The following TEC variants were observed in gnomAD, a reference collection of about 807,000 sequenced individuals.
TEC encodes the protein tyrosine-protein kinase Tec.
TEC carries 72 observed loss-of-function variants against 93.0 expected under a neutral mutation model. The ratio of observed to expected loss-of-function variants is 0.77; its 90% CI spans 0.64 to 0.94. The LOEUF is 0.94. Ranked by LOEUF, TEC falls within the 40% of genes least tolerant of loss-of-function variation. The pLI is 0.00. For missense variants in TEC, 630 were observed against 757.9 expected (o/e 0.83, Z 1.98); for synonymous variants, 249 against 247.7 (o/e 1.01, Z -0.05).
chr4:48,245,279 G>T (rs1331246547), intron 1 of TEC, among the ~76,000 whole-genome samples: 1 of 140,546 alleles, frequency 7.1e-6, no homozygotes, highest in African/African-American at 2.8e-5. Context: ...GCAACACAAC[G>T]AGAGTCCTTC....
chr4:48,224,114 T>C (rs1577653289), intron 2 of TEC, among the ~76,000 whole-genome samples: 1 of 152,294 alleles, frequency 6.6e-6, no homozygotes, highest in Non-Finnish European at 1.5e-5. Context: ...TGAGCTGTCA[T>C]AGTGAATCAC....
rs1014922179 is a variant in TEC at position 48,266,865 on chromosome 4, T to A, written c.-46+2887A>T. On this transcript the variant is annotated intron_variant, in intron 1 of 17. Coordinates refer to ENST00000381501, the MANE Select transcript of TEC (RefSeq NM_003215.3). The stretch of plus-strand genomic sequence containing the variant: ...AAAAAAAAAAAAACGAAAAAAAAGT[T>A]ATGCTTGGCTTAGCTGTGAATTTTG... Among the ~76,000 whole-genome samples, 19 of 151,648 alleles carry A rather than the reference T, an allele frequency of 1.3e-4. No homozygotes were observed. The South Asian group carries it at 1.7e-3, about 13-fold the overall frequency.
At chr4:48,229,051 T>C (rs1723571196) in intron 1 of TEC, among the ~76,000 whole-genome samples, 2 of 152,222 alleles carry the variant, frequency 1.3e-5, no homozygotes, top group South Asian at 4.1e-4. Flanking sequence ...CTTCAGGATC[T>C]TGGTTCACAA....
intron 1 of TEC, among the ~76,000 whole-genome samples, chr4:48,263,573 G>A (rs561247630): frequency 6.6e-6 from 1 of 152,236 alleles, no homozygotes; most frequent in South Asian, 2.1e-4. Context: ...AATTAGCTGG[G>A]TGTGGTGGCG....
In TEC at chr4:48,170,131, A is replaced by C. The variant is rs529626247; in HGVS notation, c.454+117T>G. ...TTCTTACAAAACACACCTACCCTACATTTTCACTGTACTAGAAAGTGTGCT... is the reference window on the plus strand; with the variant it reads ...TTCTTACAAAACACACCTACCCTACCTTTTCACTGTACTAGAAAGTGTGCT... On this transcript the variant is annotated intron_variant, in intron 5 of 17. Transcript: ENST00000381501. 1,249 of 793,640 alleles carry C rather than the reference A, an allele frequency of 1.6e-3. 1 individual carries two copies. The highest frequency in any genetic ancestry group is 4.1e-3 in the Middle Eastern group (15 of 3,676). 49.2% of individuals were successfully genotyped at this position (793,640 alleles called of 1,614,324 possible). A position where few individuals can be genotyped will look rare whatever the true frequency, so the allele number is the denominator to read the frequency against.
At chr4:48,154,614 G>A (rs1026538443) in intron 9 of TEC, among the ~76,000 whole-genome samples, 2 of 152,030 alleles carry the variant, frequency 1.3e-5, no homozygotes, top group Non-Finnish European at 2.9e-5. Flanking sequence ...CTAGTTTAGA[G>A]GTTATTTAAA....
At chr4:48,140,602 T>C (rs1002868497) in intron 15 of TEC, among the ~76,000 whole-genome samples, 4 of 152,216 alleles carry the variant, frequency 2.6e-5, no homozygotes, top group Admixed American at 6.5e-5. Context: ...TCTGCATCTG[T>C]AGCAGGAAAG....
At chr4:48,193,478 C>T (rs1722164244) in intron 2 of TEC, among the ~76,000 whole-genome samples, 1 of 152,136 alleles carries the variant, frequency 6.6e-6, no homozygotes, top group South Asian at 2.1e-4. Context: ...TGTACTGCTG[C>T]ACATAGTAAT....
intron 2 of TEC, among the ~76,000 whole-genome samples, chr4:48,206,152 AG>A (rs72599336): frequency 4.0e-4 from 37 of 91,576 alleles, no homozygotes; most frequent in Admixed American, 3.1e-3. Flanking sequence ...GAAGTAGATT[AG>A]GGTTGCCAGG....
chr4:48,164,603 G>T (rs554113376), intron 7 of TEC, among the ~76,000 whole-genome samples: 88 of 152,248 alleles, frequency 5.8e-4, no homozygotes, highest in African/African-American at 1.9e-3. Context: ...GTTGCACTGA[G>T]AAAGGCCCAG....
chr4:48,229,970 G>A (rs1723597647), intron 1 of TEC, among the ~76,000 whole-genome samples: 1 of 151,938 alleles, frequency 6.6e-6, no homozygotes. Context: ...AGCTACTCGG[G>A]AGGCTGAGGC....
intron 1 of TEC, among the ~76,000 whole-genome samples, chr4:48,241,005 G>T (rs144304365): frequency 1.3e-5 from 2 of 152,126 alleles, no homozygotes; most frequent in Non-Finnish European, 1.5e-5. Context: ...CATTCTCATA[G>T]ATGATTTGTA....
chr4:48,172,093 A>G (rs985077784), intron 3 of TEC, among the ~76,000 whole-genome samples: 3 of 152,258 alleles, frequency 2.0e-5, no homozygotes, highest in Non-Finnish European at 4.4e-5. Context: ...CCAGAAAGCC[A>G]GAATTCAGAC....
intron 1 of TEC, among the ~76,000 whole-genome samples, chr4:48,231,678 A>T (rs1294236590): frequency 1.3e-5 from 2 of 151,940 alleles, no homozygotes; most frequent in Non-Finnish European, 2.9e-5. Flanking sequence ...AATGGCATGA[A>T]CCCAGGAGGC....
chr4:48,144,648 CTTATAG>C (rs1719828040), intron 14 of TEC, among the ~76,000 whole-genome samples: 1 of 152,146 alleles, frequency 6.6e-6, no homozygotes, highest in South Asian at 2.1e-4. Context: ...AAGGATTTCT[CTTATAG>C]TTTCTTTTTA....
At chr4:48,156,390 A>G (rs1720401510) in intron 9 of TEC, among the ~76,000 whole-genome samples, 1 of 152,184 alleles carries the variant, frequency 6.6e-6, no homozygotes, top group Non-Finnish European at 1.5e-5. Flanking sequence ...TTTCACCCTA[A>G]AAGTTTGCTA....
chr4:48,265,497 GTA>G (rs1553896941), intron 1 of TEC, among the ~76,000 whole-genome samples: 26 of 118,662 alleles, frequency 2.2e-4, no homozygotes, highest in South Asian at 5.4e-4. Context: ...ATATATGTGT[GTA>G]TATATATATA....
At chr4:48,160,770 A>T (rs142934493) in intron 8 of TEC, among the ~76,000 whole-genome samples, 1 of 142,284 alleles carries the variant, frequency 7.0e-6, no homozygotes, top group Non-Finnish European at 1.5e-5. Flanking sequence ...AGAAAAGAAA[A>T]AAAGAAAGAA....
intron 1 of TEC, among the ~76,000 whole-genome samples, chr4:48,231,497 C>T (rs1723641915): frequency 6.6e-6 from 1 of 152,244 alleles, no homozygotes; most frequent in South Asian, 2.1e-4. Flanking sequence ...TGGCTCACGC[C>T]TGTAATCCCA....
Sources: gnomAD v4.1 joint callset for allele counts (sites outside exome capture counted in the v4.1 genomes callset) on GRCh38, gnomAD v4.1.1 for gene constraint, MANE v1.5 for transcripts, NCBI Gene and HGNC (gene_info 2026-07-23, HGNC 2026-07-21) for gene names.